Variants in KDM1B observed in about 807,000 individuals in gnomAD.
KDM1B encodes lysine-specific histone demethylase 2.
A neutral mutation model predicts 107.4 loss-of-function variants in KDM1B; 63 were observed. The observed-to-expected ratio is 0.59, with a 90% CI of 0.48 to 0.72. The LOEUF (loss-of-function observed/expected upper bound fraction) is 0.72. Among genes scored for constraint, KDM1B ranks in the 30% least tolerant of loss-of-function variants. The pLI is 0.00. For missense variants in KDM1B, 749 were observed against 1,020.8 expected (o/e 0.73, Z 3.63); for synonymous variants, 363 against 363.9 (o/e 1.00, Z 0.03).
Position 18,203,113 on chromosome 6 carries a change from A to T in KDM1B, c.1531+1456A>T, listed in dbSNP as rs1055019870. Among the ~76,000 whole-genome samples the T allele has an allele frequency of 1.3e-5, 2 of 152,038 alleles. No individual in the cohort carries two copies. The highest frequency in any genetic ancestry group is 4.8e-5 in the African/African-American group (2 of 41,406). On this transcript the variant is annotated intron_variant, in intron 14 of 21. Coordinates refer to ENST00000650836, the MANE Select transcript of KDM1B (RefSeq NM_001364614.2). This position sits in a 1 kb window ranked among gnomAD's most constrained non-coding sequence, Gnocchi z 5.5. ...ATGTTTAATGATAATGCTTTGCCTTACCCTTACCTAGAACAAGCTGTAGGC... is the reference window on the plus strand; with the variant it reads ...ATGTTTAATGATAATGCTTTGCCTTTCCCTTACCTAGAACAAGCTGTAGGC...
chr6:18,207,587 C>G (rs1025441109), intron 16 of KDM1B, 58 bp downstream of exon 16: 8 of 1,604,198 alleles, frequency 5.0e-6, no homozygotes, highest in Admixed American at 1.7e-5. Context: ...ATGTGAAGTT[C>G]TGGGCATGCG....
chr6:18,174,718 T>G (rs1462475031), intron 7 of KDM1B, among the ~76,000 whole-genome samples: 3 of 152,158 alleles, frequency 2.0e-5, no homozygotes, highest in African/African-American at 7.2e-5. Context: ...GGTGTTTGGT[T>G]TTCCATTCCT....
At position 18,159,035 on chromosome 6, in the gene KDM1B, T is replaced by C. The variant is rs893185285; in HGVS notation, c.-13-848T>C. Among the ~76,000 whole-genome samples, 4 of 152,182 alleles carry C rather than the reference T, an allele frequency of 2.6e-5. No individual in the cohort carries two copies. Among genetic ancestry groups the C allele is most frequent in the African/African-American group, 7.2e-5 (3 of 41,448 alleles). On this transcript the variant is annotated intron_variant, in intron 2 of 21. Transcript: ENST00000650836. The surrounding 1 kb of genome is among the most constrained non-coding windows in gnomAD (Gnocchi z 4.5). ...CAGGCTGGAGTGCAGTAGCACAATC[T>C]CGGCTCACTGCAACCTCCGCCTCCC... is the stretch of plus-strand genomic sequence containing the variant.
At position 18,203,822 on chromosome 6, in the gene KDM1B, C is replaced by A. The variant is rs1788200026; in HGVS notation, c.1532-1715C>A. Among the ~76,000 whole-genome samples, 1 of 144,020 alleles carries A rather than the reference C, an allele frequency of 6.9e-6. No homozygotes were observed. The highest frequency in any genetic ancestry group is 1.5e-5 in the Non-Finnish European group (1 of 66,950). The allele number at this position is 144,020 out of a possible 152,430, so 94.5% of individuals were successfully genotyped here. On this transcript the variant is annotated intron_variant, in intron 14 of 21. Transcript: ENST00000650836. The surrounding 1 kb of genome is among the most constrained non-coding windows in gnomAD (Gnocchi z 5.5). ...GAGACAAGATCAGGCCATTGCACTT[C>A]AGTCTTGATGACAAGCGAAACTCCG...
chr6:18,171,123 A>G (rs533126971), intron 6 of KDM1B, among the ~76,000 whole-genome samples: 5 of 152,294 alleles, frequency 3.3e-5, no homozygotes, highest in African/African-American at 9.6e-5. Context: ...CCTGGCCTAG[A>G]AAACCTTTCT....
rs184745023 is a variant in KDM1B, at chr6:18,190,551, G to A, written c.785-646G>A. Among the ~76,000 whole-genome samples, 934 of 151,888 alleles carry A rather than the reference G, an allele frequency of 6.1e-3. 7 individuals carry two copies. Among genetic ancestry groups the A allele is most frequent in the African/African-American group, 0.021 (856 of 41,382 alleles). On this transcript the variant is annotated intron_variant, in intron 9 of 21. Transcript: ENST00000650836. ...CGGGAGGCGGAGCTTGCAGCGAGCC[G>A]AGATCGCGCCACTGAACTCCAGCCA...
chr6:18,220,935 G>C (rs1045049113), intron 21 of KDM1B, among the ~76,000 whole-genome samples: 2 of 151,728 alleles, frequency 1.3e-5, no homozygotes, highest in Non-Finnish European at 2.9e-5. Context: ...TTTTTTAGTA[G>C]AGATGGGGTT....
chr6:18,194,281 TG>T (rs1429490847), intron 10 of KDM1B, among the ~76,000 whole-genome samples: 1 of 152,186 alleles, frequency 6.6e-6, no homozygotes, highest in Non-Finnish European at 1.5e-5. Context: ...TCCAAAGTGC[TG>T]GGATTACGTG....
At chr6:18,198,564 C>T (rs1276518117) in intron 12 of KDM1B, among the ~76,000 whole-genome samples, 1 of 139,758 alleles carries the variant, frequency 7.2e-6, no homozygotes, top group Non-Finnish European at 1.5e-5. Flanking sequence ...CAAAAACGCC[C>T]TTTGCGGAGC....
intron 10 of KDM1B, among the ~76,000 whole-genome samples, chr6:18,192,331 G>A (rs886152303): frequency 6.6e-5 from 10 of 152,082 alleles, no homozygotes; most frequent in East Asian, 1.9e-4. Flanking sequence ...AGCAGTTTGC[G>A]TCATTGCTGA....
At chr6:18,193,876 C>CT (rs1233091815) in intron 10 of KDM1B, among the ~76,000 whole-genome samples, 3,496 of 140,660 alleles carry the variant, frequency 0.025, 54 homozygotes, top group Non-Finnish European at 0.033. Context: ...AAGACAGTGT[C>CT]TTTTTTTTTT....
rs561836604 is a variant in KDM1B at position 18,213,574 on chromosome 6, G to T, written c.1984-82G>T. ...CGGGCAGTGTCTTTGTTTTAGAGTA[G>T]AGCTACAGGTTGCTGCTTAGATATT... On this transcript the variant is annotated intron_variant, in intron 18 of 21. Coordinates refer to ENST00000650836, the MANE Select transcript of KDM1B (RefSeq NM_001364614.2). This position sits in a 1 kb window ranked among gnomAD's most constrained non-coding sequence, Gnocchi z 5.9. The T allele has an allele frequency of 2.1e-4, 301 of 1,421,202 alleles. 1 individual carries two copies. The African/African-American group carries it at 3.6e-3, about 17-fold the overall frequency. The allele number at this position is 1,421,202 out of a possible 1,614,324, so 88.0% of individuals were successfully genotyped here.
chr6:18,158,322 A>C (rs13196976), intron 2 of KDM1B, among the ~76,000 whole-genome samples: 14 of 48,662 alleles, frequency 2.9e-4, no homozygotes, highest in African/African-American at 1.4e-3. Context: ...AGACTCCTTC[A>C]CAAAAAAAAA....
intron 6 of KDM1B, among the ~76,000 whole-genome samples, chr6:18,170,436 A>G (rs576459607): frequency 3.4e-4 from 52 of 152,142 alleles, no homozygotes; most frequent in South Asian, 2.1e-3. Context: ...TGCATTTAGT[A>G]TGCATGCTTT....
At chr6:18,164,376 C>T (rs1377313776) in intron 5 of KDM1B, among the ~76,000 whole-genome samples, 2 of 152,084 alleles carry the variant, frequency 1.3e-5, no homozygotes, top group East Asian at 1.9e-4. Flanking sequence ...GATCTGCCTG[C>T]CTCAGCCTCC....
rs569611552 is a variant in KDM1B at position 18,159,098 on chromosome 6, G to A, written c.-13-785G>A. 1.6e-4 allele frequency among the ~76,000 whole-genome samples: 24 copies of A among 152,228 alleles called. No homozygotes were observed. The highest frequency in any genetic ancestry group is 3.4e-3 in the Middle Eastern group (1 of 294). The stretch of plus-strand genomic sequence containing the variant: ...TTCTCCTGCCCCAGCCTCCTGAGTA[G>A]CTGGAATTACAGGCACGCGCCTCCA... On this transcript the variant is annotated intron_variant, in intron 2 of 21. Coordinates refer to ENST00000650836, the MANE Select transcript of KDM1B (RefSeq NM_001364614.2). This position sits in a 1 kb window ranked among gnomAD's most constrained non-coding sequence, Gnocchi z 4.5.
Position 18,199,019 on chromosome 6 carries a change from A to AT in KDM1B, c.1221+1358_1221+1359insT, listed in dbSNP as rs1415012366. On this transcript the variant is annotated intron_variant, in intron 12 of 21. Coordinates refer to ENST00000650836, the MANE Select transcript of KDM1B (RefSeq NM_001364614.2). ...CCCTGTCTCTACCAGAAAAAAAAAA[A>AT]AAAAAAAAAAAAAAGAAAAAAACAG... is the stretch of plus-strand genomic sequence containing the variant. 2.0e-5 allele frequency among the ~76,000 whole-genome samples: 3 copies of AT among 147,680 alleles called. No individual in the cohort carries two copies. The East Asian group carries it at 5.9e-4, about 29-fold the overall frequency.
At position 18,213,452 on chromosome 6, in the gene KDM1B, CCAAAAAACAAAACAAAA is replaced by C. The variant is rs1789005956; in HGVS notation, c.1984-193_1984-177del. On this transcript the variant is annotated intron_variant, in intron 18 of 21. Transcript: ENST00000650836. The surrounding 1 kb of genome is among the most constrained non-coding windows in gnomAD (Gnocchi z 5.9). ...ACTCCGTCTCAAAAAAAAAAAAAAC[CCAAAAAACAAAACAAAA>C]CAAAAAACAACCAAGGAGTTCACAG... 6.6e-6 allele frequency among the ~76,000 whole-genome samples: 1 copy of C among 150,906 alleles called. No individual in the cohort carries two copies. The highest frequency in any genetic ancestry group is 6.6e-5 in the Admixed American group (1 of 15,140).
Position 18,162,766 on chromosome 6 carries a change from T to C in KDM1B, c.216-69T>C, listed in dbSNP as rs1785047916. The C allele has an allele frequency of 3.4e-6, 3 of 885,204 alleles. No individual in the cohort carries two copies. The highest frequency in any genetic ancestry group is 3.3e-5 in the African/African-American group (2 of 60,766). The allele number at this position is 885,204 out of a possible 1,614,324, so 54.8% of individuals were successfully genotyped here. A position where few individuals can be genotyped will look rare whatever the true frequency, so the allele number is the denominator to read the frequency against. On this transcript the variant is annotated intron_variant, in intron 4 of 21. Coordinates refer to ENST00000650836, the MANE Select transcript of KDM1B (RefSeq NM_001364614.2). This position sits in a 1 kb window ranked among gnomAD's most constrained non-coding sequence, Gnocchi z 4.1. ...GGGTTCATAGATGGTGCTTGCAAGA[T>C]GTTTTTTAAAAAATGGGAGGAGAAA...
Sources: allele counts gnomAD v4.1 joint callset (sites outside exome capture counted in the v4.1 genomes callset), GRCh38; gene constraint gnomAD v4.1.1; non-coding constraint Gnocchi (gnomAD v3.1); transcripts MANE v1.5; gene names NCBI Gene and HGNC (gene_info 2026-07-23, HGNC 2026-07-21).